The following DLGAP2 variants were observed in gnomAD, a reference collection of about 807,000 sequenced individuals.
DLGAP2 encodes the protein disks large-associated protein 2.
A neutral mutation model predicts 100.3 loss-of-function variants in DLGAP2; 26 were observed. The observed-to-expected ratio is 0.26, with a 90% CI of 0.19 to 0.36. The LOEUF (loss-of-function observed/expected upper bound fraction) is 0.36. DLGAP2 is among the 10% of genes least tolerant of loss of function. The probability of loss-of-function intolerance (pLI) is 1.00; values close to 1 mark genes in which losing one functional copy is unlikely to be tolerated. For missense variants in DLGAP2, 1,858 were observed against 1,453.2 expected, an observed-to-expected ratio of 1.28 and a Z score of -4.53; for synonymous variants, 886 against 630.1, an observed-to-expected ratio of 1.41 and a Z score of -6.08.
At chr8:815,800 A>G (rs1250743755) in intron 1 of DLGAP2, among the ~76,000 whole-genome samples, 1 of 152,232 alleles carries the variant, frequency 6.6e-6, no homozygotes, top group Non-Finnish European at 1.5e-5. Flanking sequence ...AGAGGATACA[A>G]AAGAAGAATA....
intron 8 of DLGAP2, among the ~76,000 whole-genome samples, chr8:1,664,757 A>G (rs186179769): frequency 2.6e-5 from 4 of 152,252 alleles, no homozygotes; most frequent in Admixed American, 2.6e-4. Context: ...TCCAACCACA[A>G]CTTTTACGAA....
At chr8:1,025,536 C>G (rs552656230) in intron 2 of DLGAP2, among the ~76,000 whole-genome samples, 6 of 152,212 alleles carry the variant, frequency 3.9e-5, no homozygotes, top group South Asian at 4.1e-4. Context: ...AGTCAAATGT[C>G]TTTTTTGGTT....
At position 1,017,809 on chromosome 8, in the gene DLGAP2, G is replaced by A. The variant is rs939183798; in HGVS notation, c.73+109843G>A. Among the ~76,000 whole-genome samples, 6 of 152,318 alleles carry A rather than the reference G, an allele frequency of 3.9e-5. No individual in the cohort carries two copies. In the South Asian group the frequency reaches 6.2e-4, roughly 16 times the overall value. ...AAGTGGCCACCTCACTCCTCTCCAC[G>A]CTACTGGGTTCATCCCTGTCCCAGG... On this transcript the variant is annotated intron_variant, in intron 2 of 14. Coordinates refer to ENST00000637795, the MANE Select transcript of DLGAP2 (RefSeq NM_001346810.2).
At chr8:1,116,966 G>C (rs900857414) in intron 2 of DLGAP2, among the ~76,000 whole-genome samples, 1 of 152,216 alleles carries the variant, frequency 6.6e-6, no homozygotes, top group South Asian at 2.1e-4. Flanking sequence ...GCGGAAGGGA[G>C]ATCCCAGGAT....
chr8:957,466 A>C (rs757176043), intron 2 of DLGAP2, among the ~76,000 whole-genome samples: 1 of 152,214 alleles, frequency 6.6e-6, no homozygotes, highest in Non-Finnish European at 1.5e-5. Context: ...CAGAACTCTC[A>C]TATGTCCAAA....
At chr8:1,199,515 T>C (rs1012983062) in intron 2 of DLGAP2, among the ~76,000 whole-genome samples, 2 of 152,244 alleles carry the variant, frequency 1.3e-5, no homozygotes, top group African/African-American at 4.8e-5. Flanking sequence ...CCTGTGTGTC[T>C]GGATCACAGC....
chr8:1,177,802 G>A (rs1011701360), intron 2 of DLGAP2, among the ~76,000 whole-genome samples: 1 of 152,200 alleles, frequency 6.6e-6, no homozygotes, highest in Non-Finnish European at 1.5e-5. Flanking sequence ...GGTACAAGGG[G>A]TGAGGGAGCT....
intron 2 of DLGAP2, among the ~76,000 whole-genome samples, chr8:1,022,955 C>A (rs1434295697): frequency 6.6e-6 from 1 of 152,204 alleles, no homozygotes; most frequent in African/African-American, 2.4e-5. Flanking sequence ...ATCTTAGAGG[C>A]TGTCATGTGA....
intron 4 of DLGAP2, among the ~76,000 whole-genome samples, chr8:1,535,812 T>C (rs1412470050): frequency 1.3e-5 from 2 of 152,122 alleles, no homozygotes; most frequent in African/African-American, 2.4e-5. Context: ...TTGCAGGGCA[T>C]TGAAGGCAGA....
chr8:859,725 A>C (rs1463733362), intron 1 of DLGAP2, among the ~76,000 whole-genome samples: 1 of 152,148 alleles, frequency 6.6e-6, no homozygotes, highest in Admixed American at 6.5e-5. Flanking sequence ...GATTTGCTGC[A>C]TTCACTCTGG....
intron 2 of DLGAP2, among the ~76,000 whole-genome samples, chr8:946,412 C>A (rs987977233): frequency 6.6e-6 from 1 of 151,932 alleles, no homozygotes; most frequent in Non-Finnish European, 1.5e-5. Context: ...TACAGGCGCC[C>A]GCCACCACGC....
chr8:1,078,449 T>A (rs1803695565), intron 2 of DLGAP2, among the ~76,000 whole-genome samples: 2 of 152,194 alleles, frequency 1.3e-5, no homozygotes, highest in African/African-American at 2.4e-5. Flanking sequence ...CATCCAGCCT[T>A]GGTGTTGCAC....
intron 1 of DLGAP2, among the ~76,000 whole-genome samples, chr8:802,757 C>T (rs1796196833): frequency 6.6e-6 from 1 of 152,164 alleles, no homozygotes; most frequent in Non-Finnish European, 1.5e-5. Context: ...GGTCACACAC[C>T]ACCATAACAT....
chr8:1,466,602 C>G (rs1421373681), intron 3 of DLGAP2, among the ~76,000 whole-genome samples: 2 of 152,126 alleles, frequency 1.3e-5, no homozygotes, highest in East Asian at 1.9e-4. Context: ...CTTTCCAGAA[C>G]TCTCAGGTGC....
intron 6 of DLGAP2, among the ~76,000 whole-genome samples, chr8:1,567,245 C>T (rs1202228007): frequency 1.3e-5 from 2 of 152,224 alleles, no homozygotes; most frequent in Admixed American, 6.5e-5. Context: ...AGCTCTCACC[C>T]ACCTTTTATT....
At chr8:1,339,762 T>C (rs1801377302) in intron 3 of DLGAP2, among the ~76,000 whole-genome samples, 1 of 152,164 alleles carries the variant, frequency 6.6e-6, no homozygotes, top group Non-Finnish European at 1.5e-5. Context: ...GCGCTGTGTG[T>C]TCCTAGATCC....
At chr8:1,468,955 A>G (rs1798705752) in intron 3 of DLGAP2, among the ~76,000 whole-genome samples, 1 of 152,034 alleles carries the variant, frequency 6.6e-6, no homozygotes, top group Non-Finnish European at 1.5e-5. Context: ...TGGTATTAGG[A>G]CCACCTTCCC....
At chr8:1,445,981 C>G (rs1292075356) in intron 3 of DLGAP2, among the ~76,000 whole-genome samples, 1 of 149,932 alleles carries the variant, frequency 6.7e-6, no homozygotes, top group East Asian at 2.1e-4. Flanking sequence ...ATTGTAGATT[C>G]TGGATATTAG....
At chr8:1,679,666 T>G (rs1164837867) in intron 12 of DLGAP2, among the ~76,000 whole-genome samples, 1 of 152,218 alleles carries the variant, frequency 6.6e-6, no homozygotes, top group African/African-American at 2.4e-5. Context: ...CTTTCTCCCA[T>G]CTGCCTAGAG....
Sources: allele counts gnomAD v4.1 joint callset (sites outside exome capture counted in the v4.1 genomes callset), GRCh38; gene constraint gnomAD v4.1.1; transcripts MANE v1.5; gene names NCBI Gene and HGNC (gene_info 2026-07-23, HGNC 2026-07-21).